ABCD3: variants seen among roughly 807,000 people sequenced by gnomAD.
ABCD3 encodes ATP binding cassette subfamily D member 3.
ABCD3 carries 41 observed loss-of-function variants against 105.5 expected under a neutral mutation model. The observed-to-expected ratio is 0.39, with a 90% CI of 0.30 to 0.50. The LOEUF (loss-of-function observed/expected upper bound fraction) is 0.50, where lower values mean the gene tolerates loss of function less well. ABCD3 is among the 20% of genes least tolerant of loss of function. The pLI, the probability that ABCD3 is intolerant of heterozygous loss-of-function variation, is 0.84. For synonymous variants in ABCD3, 258 were observed against 269.0 expected, an observed-to-expected ratio of 0.96 and a Z score of 0.40; for missense variants, 622 against 806.3, an observed-to-expected ratio of 0.77 and a Z score of 2.77.
chr1:94,394,278 ATAT>A, the ABCD3 span, among the ~76,000 whole-genome samples: 939 of 152,314 alleles, frequency 6.2e-3, 9 homozygotes, highest in African/African-American at 0.021. Flanking sequence ...TGAGACAGTA[ATAT>A]TATCATCCTC....
At chr1:94,398,740 T>C in the ABCD3 span, among the ~76,000 whole-genome samples, 1 of 152,152 alleles carries the variant, frequency 6.6e-6, no homozygotes, top group Non-Finnish European at 1.5e-5. Context: ...GGTAAAACCC[T>C]GTCTCTACTA....
At chr1:94,487,348 GT>G (rs1274169998) in intron 10 of ABCD3, among the ~76,000 whole-genome samples, 193 bp from the exon 11 acceptor site, 1 of 152,106 alleles carries the variant, frequency 6.6e-6, no homozygotes, top group Non-Finnish European at 1.5e-5. Flanking sequence ...TGAAGTGTTT[GT>G]TTGGCACCCG....
At chr1:94,468,934 A>T (rs1218641245) in intron 4 of ABCD3, among the ~76,000 whole-genome samples, 1 of 152,180 alleles carries the variant, frequency 6.6e-6, no homozygotes, top group Non-Finnish European at 1.5e-5. Flanking sequence ...ATATGGGTAA[A>T]TTATGTAGGC....
intron 1 of ABCD3, among the ~76,000 whole-genome samples, chr1:94,427,852 G>A (rs113559233): frequency 0.025 from 3,739 of 152,198 alleles, 126 homozygotes; most frequent in African/African-American, 0.067. Flanking sequence ...ATAAAATTAG[G>A]CATCAGGCCC....
At chr1:94,409,339 A>G in the ABCD3 span, among the ~76,000 whole-genome samples, 1 of 152,248 alleles carries the variant, frequency 6.6e-6, no homozygotes, top group Non-Finnish European at 1.5e-5. Flanking sequence ...ACCCATAAAC[A>G]TATACACCTA....
intron 3 of ABCD3, among the ~76,000 whole-genome samples, chr1:94,467,599 A>T (rs747800392): frequency 1.4e-4 from 21 of 152,228 alleles, no homozygotes; most frequent in Admixed American, 6.5e-5. Flanking sequence ...ATACACTATG[A>T]TCTAGGTAAT....
At chr1:94,398,365 C>T in the ABCD3 span, among the ~76,000 whole-genome samples, 1 of 152,114 alleles carries the variant, frequency 6.6e-6, no homozygotes, top group Admixed American at 6.6e-5. Context: ...CCCTAATATA[C>T]CTATAAAATA....
intron 20 of ABCD3, among the ~76,000 whole-genome samples, chr1:94,504,030 A>C (rs960084448): frequency 1.3e-5 from 2 of 148,860 alleles, no homozygotes; most frequent in African/African-American, 5.0e-5. Flanking sequence ...CTCCTGCCTC[A>C]GCCTCCTGAG....
At chr1:94,511,812 A>G (rs1010381162) in intron 21 of ABCD3, among the ~76,000 whole-genome samples, 137 of 151,992 alleles carry the variant, frequency 9.0e-4, no homozygotes, top group African/African-American at 2.8e-3. Context: ...CATTCTTCAC[A>G]TAGTTCTTGA....
rs867117223 is a variant in ABCD3, at chr1:94,468,129, A to G, written c.335+122A>G. On this transcript the variant is annotated intron_variant, in intron 4 of 22. Coordinates refer to ENST00000370214, the MANE Select transcript of ABCD3 (RefSeq NM_002858.4). ...GGTAAAAGATAACCCAAGTCAAATT[A>G]TGTGTTTGTTCATTTACTTAAAAAA... 369 of 783,710 alleles carry G rather than the reference A, an allele frequency of 4.7e-4. 5 individuals carry two copies. The highest frequency in any genetic ancestry group is 2.2e-3 in the South Asian group (150 of 68,444). 48.5% of individuals were successfully genotyped at this position (783,710 alleles called of 1,614,324 possible).
the ABCD3 span, among the ~76,000 whole-genome samples, chr1:94,385,947 T>G: frequency 6.6e-6 from 1 of 152,246 alleles, no homozygotes; most frequent in African/African-American, 2.4e-5. Flanking sequence ...AGGAGTTATA[T>G]TCACTTCCTT....
chr1:94,492,595 A>T (rs993950936), intron 16 of ABCD3, among the ~76,000 whole-genome samples: 14 of 152,304 alleles, frequency 9.2e-5, no homozygotes, highest in African/African-American at 3.1e-4. Context: ...CAGGTACTTC[A>T]GTCACTTGAA....
At chr1:94,394,541 C>G in the ABCD3 span, among the ~76,000 whole-genome samples, 1 of 152,204 alleles carries the variant, frequency 6.6e-6, no homozygotes, top group African/African-American at 2.4e-5. Flanking sequence ...GCCACCAGCC[C>G]AATGGACAAG....
chr1:94,438,204 T>C (rs1292185501), intron 1 of ABCD3, among the ~76,000 whole-genome samples: 2 of 151,652 alleles, frequency 1.3e-5, no homozygotes, highest in African/African-American at 4.8e-5. Context: ...GGGGAATCGC[T>C]TGAACCTGGG....
chr1:94,450,598 T>C (rs927578246), intron 1 of ABCD3, among the ~76,000 whole-genome samples: 2 of 152,276 alleles, frequency 1.3e-5, no homozygotes, highest in South Asian at 4.1e-4. Flanking sequence ...TTTTAGTTAA[T>C]CTATAGAAAC....
At chr1:94,397,874 T>C in the ABCD3 span, among the ~76,000 whole-genome samples, 1 of 152,166 alleles carries the variant, frequency 6.6e-6, no homozygotes, top group Non-Finnish European at 1.5e-5. Flanking sequence ...TATGCTACCA[T>C]TCTGTTTCTC....
the ABCD3 span, among the ~76,000 whole-genome samples, chr1:94,388,172 A>T: frequency 2.6e-5 from 4 of 152,206 alleles, no homozygotes; most frequent in Admixed American, 6.5e-5. Flanking sequence ...TAGACATGAA[A>T]TTTATTTAAA....
At chr1:94,506,963 A>G (rs1650388199) in intron 21 of ABCD3, among the ~76,000 whole-genome samples, 2 of 151,786 alleles carry the variant, frequency 1.3e-5, no homozygotes, top group African/African-American at 4.8e-5. Flanking sequence ...TTTAACTTTT[A>G]TGTTAAAAGA....
chr1:94,448,406 C>G (rs542297448), intron 1 of ABCD3, among the ~76,000 whole-genome samples: 2 of 152,190 alleles, frequency 1.3e-5, no homozygotes, highest in Non-Finnish European at 2.9e-5. Flanking sequence ...TTGGATCCTC[C>G]CTAGAATAAC....
Sources: allele counts gnomAD v4.1 joint callset (sites outside exome capture counted in the v4.1 genomes callset), GRCh38; gene constraint gnomAD v4.1.1; transcripts MANE v1.5; gene names NCBI Gene and HGNC (gene_info 2026-07-23, HGNC 2026-07-21).